Variants in RANBP17 observed in about 807,000 individuals in gnomAD.
RANBP17 encodes the protein ran-binding protein 17.
RANBP17 carries 158 observed loss-of-function variants against 141.2 expected under a neutral mutation model. The ratio of observed to expected loss-of-function variants is 1.12; its 90% CI spans 0.98 to 1.28. The LOEUF is 1.28. RANBP17 is among the 50% of genes most tolerant of loss of function. The pLI is 0.00. For synonymous variants in RANBP17, 430 were observed against 450.0 expected (o/e 0.96, Z 0.56); for missense variants, 1,438 against 1,290.7 (o/e 1.11, Z -1.75).
At chr5:171,030,030 A>G (rs904867076) in intron 14 of RANBP17, among the ~76,000 whole-genome samples, 6 of 152,020 alleles carry the variant, frequency 3.9e-5, no homozygotes, top group Admixed American at 3.3e-4. Flanking sequence ...TATTTCTCCT[A>G]TTGGCTAATT....
intron 12 of RANBP17, among the ~76,000 whole-genome samples, chr5:170,932,292 T>C (rs553665534): frequency 6.6e-4 from 100 of 152,342 alleles, no homozygotes; most frequent in African/African-American, 2.3e-3. Flanking sequence ...GCTTATCAGC[T>C]TAAGGAGATT....
At chr5:171,210,129 G>C (rs757173143) in intron 20 of RANBP17, among the ~76,000 whole-genome samples, 1 of 152,140 alleles carries the variant, frequency 6.6e-6, no homozygotes, top group Non-Finnish European at 1.5e-5. Flanking sequence ...AAAGCAATTA[G>C]ATCTGTGCTT....
At chr5:171,003,983 A>T (rs1272155264) in intron 14 of RANBP17, among the ~76,000 whole-genome samples, 3 of 152,228 alleles carry the variant, frequency 2.0e-5, no homozygotes, top group African/African-American at 7.2e-5. Context: ...TTGATAAGGC[A>T]CAGATATTGA....
chr5:171,150,644 G>C (rs1162406286), intron 14 of RANBP17, among the ~76,000 whole-genome samples: 1 of 152,116 alleles, frequency 6.6e-6, no homozygotes, highest in East Asian at 1.9e-4. Flanking sequence ...TCATTTTATA[G>C]ATGAAGAAAA....
Position 171,030,930 on chromosome 5 carries a change from A to C in RANBP17, c.1710+62553A>C, listed in dbSNP as rs373194080. ...TTTCTAAGACTGTGAATTTTTAAATAATCTTTCCTACTTTTTTTCCTACTT... is the reference window on the plus strand; with the variant it reads ...TTTCTAAGACTGTGAATTTTTAAATCATCTTTCCTACTTTTTTTCCTACTT... On this transcript the variant is annotated intron_variant, in intron 14 of 27. Coordinates refer to ENST00000523189, the MANE Select transcript of RANBP17 (RefSeq NM_022897.5). Among the ~76,000 whole-genome samples the C allele has an allele frequency of 9.3e-4, 142 of 152,160 alleles. 2 individuals are homozygous for C. In the South Asian group the frequency reaches 0.028, roughly 30 times the overall value.
intron 14 of RANBP17, among the ~76,000 whole-genome samples, chr5:171,027,592 T>C (rs1373152157): frequency 1.3e-5 from 2 of 151,904 alleles, no homozygotes. Context: ...TAGGATCATA[T>C]TATAATTAAT....
chr5:171,103,294 C>G (rs1787304375), intron 14 of RANBP17, among the ~76,000 whole-genome samples: 1 of 152,206 alleles, frequency 6.6e-6, no homozygotes, highest in Non-Finnish European at 1.5e-5. Context: ...TAGAGATGCC[C>G]TGCCCAGAGA....
chr5:171,067,597 A>AT (rs1784387494), intron 14 of RANBP17, among the ~76,000 whole-genome samples: 1 of 152,036 alleles, frequency 6.6e-6, no homozygotes, highest in African/African-American at 2.4e-5. Flanking sequence ...CTTCTTAAAA[A>AT]TTTTTTTAAA....
At chr5:170,941,749 T>G (rs750572812) in intron 12 of RANBP17, among the ~76,000 whole-genome samples, 13 of 152,124 alleles carry the variant, frequency 8.5e-5, no homozygotes, top group Non-Finnish European at 1.8e-4. Flanking sequence ...TGGGAATAAA[T>G]CATAAGAAAT....
In RANBP17 at chr5:171,298,844, G is replaced by T. The variant is rs184854012; in HGVS notation, c.3253G>T (p.Asp1085Tyr). 2 of 1,613,806 alleles carry T rather than the reference G, an allele frequency of 1.2e-6. No individual in the cohort carries two copies. The highest frequency in any genetic ancestry group is 1.7e-6 in the Non-Finnish European group (2 of 1,179,826). The change falls in exon 28 of 28, where the codon GAC becomes TAC. Residue 1085 changes from aspartate (D) to tyrosine (Y), a missense_variant. Physicochemically the swap from Asp to Tyr is radical, Grantham distance 160 (BLOSUM62 -3). Transcript: ENST00000523189. ...TGGCAACACTGAACCATGCAGTCTC[G>T]ACATGATGAGCTGACCCGACTTTTC... ...SDGNTEPCSL[D>Y]MMS
intron 14 of RANBP17, among the ~76,000 whole-genome samples, chr5:171,152,546 C>G (rs961349094): frequency 6.6e-6 from 1 of 152,154 alleles, no homozygotes; most frequent in Admixed American, 6.6e-5. Context: ...TAGAAATCTC[C>G]CTGTTGCTCA....
intron 14 of RANBP17, among the ~76,000 whole-genome samples, chr5:170,986,817 C>T (rs980663896): frequency 6.6e-6 from 1 of 151,746 alleles, no homozygotes; most frequent in African/African-American, 2.4e-5. Context: ...TTATGTCTTC[C>T]TGTATGGTAT....
chr5:171,159,917 C>CAAAAAAAA (rs1175963382), intron 14 of RANBP17, among the ~76,000 whole-genome samples: 100 of 41,266 alleles, frequency 2.4e-3, no homozygotes, highest in Non-Finnish European at 2.8e-3. Flanking sequence ...GACTCCATCT[C>CAAAAAAAA]AAAAAAAAAA....
At chr5:171,125,296 C>CAAAAAAAAAAA (rs3083436) in intron 14 of RANBP17, among the ~76,000 whole-genome samples, 7 of 85,942 alleles carry the variant, frequency 8.1e-5, no homozygotes, top group Admixed American at 1.5e-4. Context: ...GACTATGTAT[C>CAAAAAAAAAAA]AAAAAAAAAA....
chr5:170,901,936 C>G (rs1189692856), intron 5 of RANBP17, among the ~76,000 whole-genome samples: 3 of 152,172 alleles, frequency 2.0e-5, no homozygotes, highest in Non-Finnish European at 4.4e-5. Flanking sequence ...CAACCTTTCT[C>G]TCTGTCTGCC....
At chr5:171,124,636 A>T (rs1581686583) in intron 14 of RANBP17, among the ~76,000 whole-genome samples, 1 of 152,228 alleles carries the variant, frequency 6.6e-6, no homozygotes, top group South Asian at 2.1e-4. Flanking sequence ...TTCAGTTAAC[A>T]TATAAGGGAA....
At chr5:170,921,438 T>C (rs893840736) in intron 11 of RANBP17, among the ~76,000 whole-genome samples, 1 of 151,856 alleles carries the variant, frequency 6.6e-6, no homozygotes, top group Non-Finnish European at 1.5e-5. Flanking sequence ...TTCTGTTCCA[T>C]TGGTCTATAT....
At chr5:171,158,754 G>T (rs922861960) in intron 14 of RANBP17, among the ~76,000 whole-genome samples, 3 of 151,690 alleles carry the variant, frequency 2.0e-5, no homozygotes, top group Non-Finnish European at 4.4e-5. Flanking sequence ...ATGCTTGTTG[G>T]TGCCAGTTCT....
chr5:171,267,590 T>C (rs1766810663), intron 25 of RANBP17, among the ~76,000 whole-genome samples: 1 of 152,062 alleles, frequency 6.6e-6, no homozygotes, highest in Non-Finnish European at 1.5e-5. Flanking sequence ...AGGTGGATCA[T>C]GAGGTCAGGA....
Sources: allele counts gnomAD v4.1 joint callset (sites outside exome capture counted in the v4.1 genomes callset), GRCh38; gene constraint gnomAD v4.1.1; transcripts MANE v1.5; gene names NCBI Gene and HGNC (gene_info 2026-07-23, HGNC 2026-07-21).